ITGA4: variants seen among roughly 807,000 people sequenced by gnomAD.
ITGA4 encodes the protein integrin alpha-4.
In ITGA4, 63 loss-of-function variants were observed where a neutral mutation model predicts 133.6. The observed-to-expected ratio is 0.47, with a 90% CI of 0.38 to 0.58. The LOEUF is 0.58. Ranked by LOEUF, ITGA4 falls within the 20% of genes least tolerant of loss-of-function variation. The pLI is 0.00. For synonymous variants in ITGA4, 483 were observed against 438.0 expected (o/e 1.10, Z -1.28); for missense variants, 1,076 against 1,252.7 (o/e 0.86, Z 2.13).
intron 2 of ITGA4, among the ~76,000 whole-genome samples, chr2:181,467,071 T>G (rs556790317): frequency 6.6e-6 from 1 of 152,324 alleles, no homozygotes; most frequent in South Asian, 2.1e-4. Flanking sequence ...ATACTTTAAT[T>G]ATTGCTTTTA....
At position 181,495,154 on chromosome 2, in the gene ITGA4, A is replaced by G. The variant is rs1158996739; in HGVS notation, c.1340-217A>G. 6.6e-6 allele frequency among the ~76,000 whole-genome samples: 1 copy of G among 152,234 alleles called. No homozygotes were observed. The highest frequency in any genetic ancestry group is 2.4e-5 in the African/African-American group (1 of 41,472). ...TTGTTTTAGTAAACTTGTTTTTGTCATAAAGTTTATGATATATCATAATGG... is the reference window on the plus strand; with the variant it reads ...TTGTTTTAGTAAACTTGTTTTTGTCGTAAAGTTTATGATATATCATAATGG... On this transcript the variant is annotated intron_variant, in intron 12 of 27. Transcript: ENST00000397033. The surrounding 1 kb of genome is among the most constrained non-coding windows in gnomAD (Gnocchi z 4.3).
intron 2 of ITGA4, among the ~76,000 whole-genome samples, chr2:181,471,073 G>A (rs542453106): frequency 1.3e-5 from 2 of 152,134 alleles, no homozygotes; most frequent in Non-Finnish European, 2.9e-5. Context: ...TCTAAATGTA[G>A]TATATGTATT....
Position 181,495,994 on chromosome 2 carries a change from A to C in ITGA4, c.1540+57A>C. 1 of 1,558,670 alleles carries C rather than the reference A, an allele frequency of 6.4e-7. No individual in the cohort carries two copies. Among genetic ancestry groups the C allele is most frequent in the Non-Finnish European group, 8.8e-7 (1 of 1,138,426 alleles). ...GGGGTGCGGTTCATTCATTAATCCC[A>C]CAATCCTGCTTGGAGCCCTCACCGG... On this transcript the variant is annotated intron_variant, in intron 14 of 27. Transcript: ENST00000397033. The surrounding 1 kb of genome is among the most constrained non-coding windows in gnomAD (Gnocchi z 4.3).
In ITGA4 at chr2:181,536,026, T is replaced by TATCACTTTAA. The variant is rs1351155676; in HGVS notation, c.*501_*510dup. 6.6e-6 allele frequency: 1 copy of TATCACTTTAA among 152,368 alleles called. No individual in the cohort carries two copies. Among genetic ancestry groups the TATCACTTTAA allele is most frequent in the Non-Finnish European group, 1.5e-5 (1 of 68,220 alleles). 9.4% of individuals were successfully genotyped at this position (152,368 alleles called of 1,614,324 possible). A position where few individuals can be genotyped will look rare whatever the true frequency, so the allele number is the denominator to read the frequency against. ...CCAAATTTTCTAACGAGTGGACCAT[T>TATCACTTTAA]ATCACTTTAAAGCCCTTTATTTATA... On this transcript the variant is annotated 3_prime_UTR_variant, in exon 28 of 28. Transcript: ENST00000397033.
chr2:181,475,376 C>A, intron 4 of ITGA4, 88 bp downstream of exon 4: 1 of 1,054,828 alleles, frequency 9.5e-7, no homozygotes, highest in South Asian at 1.4e-5. Flanking sequence ...TTTAGATGTT[C>A]AGAGGAGAGG....
rs1260145047 is a variant in ITGA4 at position 181,536,882 on chromosome 2, G to A, written c.*1355G>A. 4.4e-6 allele frequency: 2 copies of A among 452,680 alleles called. No individual in the cohort carries two copies. Among genetic ancestry groups the A allele is most frequent in the Admixed American group, 2.4e-5 (1 of 42,376 alleles). The allele number at this position is 452,680 out of a possible 1,614,324, so 28.0% of individuals were successfully genotyped here. On this transcript the variant is annotated 3_prime_UTR_variant, in exon 28 of 28. Transcript: ENST00000397033. ...GGCCGAATTTTGAACATCTGTTATA[G>A]GGAGTGATCAAATTAGAAGGCAATG... is the stretch of plus-strand genomic sequence containing the variant.
At chr2:181,463,995 TG>T (rs1685351880) in intron 2 of ITGA4, among the ~76,000 whole-genome samples, 3 of 152,232 alleles carry the variant, frequency 2.0e-5, no homozygotes, top group Admixed American at 2.0e-4. Flanking sequence ...CTAGAATCTC[TG>T]GGGTAAGTCT....
intron 16 of ITGA4, among the ~76,000 whole-genome samples, chr2:181,510,119 T>C (rs1426516309): frequency 6.6e-6 from 1 of 152,090 alleles, no homozygotes; most frequent in African/African-American, 2.4e-5. Flanking sequence ...AGATTGTATT[T>C]ACAAGTTAGT....
intron 2 of ITGA4, chr2:181,458,530 T>C (rs1685190543): frequency 3.4e-6 from 2 of 586,080 alleles, no homozygotes; most frequent in African/African-American, 1.9e-5. Context: ...ATGGCAATGA[T>C]TGCAGTACTC....
At chr2:181,468,678 C>A (rs532564905) in intron 2 of ITGA4, among the ~76,000 whole-genome samples, 102 of 152,170 alleles carry the variant, frequency 6.7e-4, no homozygotes, top group African/African-American at 2.4e-3. Context: ...ATCAAAATTC[C>A]TGTTCATTTG....
intron 6 of ITGA4, among the ~76,000 whole-genome samples, chr2:181,480,994 T>C (rs751392045): frequency 1.3e-5 from 2 of 152,182 alleles, no homozygotes; most frequent in Non-Finnish European, 2.9e-5. Context: ...GTGTGTCAAA[T>C]GTGAGCATCT....
At chr2:181,533,873 T>G (rs1045301380) in intron 25 of ITGA4, among the ~76,000 whole-genome samples, 3 of 152,196 alleles carry the variant, frequency 2.0e-5, no homozygotes, top group African/African-American at 7.2e-5. Flanking sequence ...TTGCTTTAGA[T>G]AGTAAAGTTC....
intron 2 of ITGA4, among the ~76,000 whole-genome samples, chr2:181,473,025 GC>G (rs1685592150): frequency 6.6e-6 from 1 of 152,324 alleles, no homozygotes; most frequent in East Asian, 1.9e-4. Flanking sequence ...TCTCCAGGAA[GC>G]CATTACCAGT....
rs996715205 is a variant in ITGA4 at position 181,523,878 on chromosome 2, A to G, written c.2170-293A>G. Among the ~76,000 whole-genome samples, 2 of 152,136 alleles carry G rather than the reference A, an allele frequency of 1.3e-5. No individual in the cohort carries two copies. The highest frequency in any genetic ancestry group is 4.8e-5 in the African/African-American group (2 of 41,438). On this transcript the variant is annotated intron_variant, in intron 19 of 27. Coordinates refer to ENST00000397033, the MANE Select transcript of ITGA4 (RefSeq NM_000885.6). This position sits in a 1 kb window ranked among gnomAD's most constrained non-coding sequence, Gnocchi z 4.2. The stretch of plus-strand genomic sequence containing the variant: ...TGCTATACAAAAAGGTGTTTTTGGC[A>G]AGAGTCTCCACTCAAGTTGTGAAAG...
intron 10 of ITGA4, among the ~76,000 whole-genome samples, chr2:181,492,092 C>G (rs942784226): frequency 4.6e-5 from 7 of 152,202 alleles, no homozygotes; most frequent in Non-Finnish European, 1.0e-4. Flanking sequence ...CAATGAGTTT[C>G]CTATTGTGAT....
intron 17 of ITGA4, among the ~76,000 whole-genome samples, chr2:181,520,150 G>T (rs976281716): frequency 6.6e-6 from 1 of 152,118 alleles, no homozygotes; most frequent in Non-Finnish European, 1.5e-5. Context: ...TACGCTGTTA[G>T]GGGAGAGCAA....
chr2:181,527,471 A>G (rs772943453), intron 22 of ITGA4, 84 bp downstream of exon 22: 2 of 927,478 alleles, frequency 2.2e-6, no homozygotes, highest in Non-Finnish European at 3.5e-6. Flanking sequence ...TTGTACACCT[A>G]TGACGTCCTT....
chr2:181,514,440 T>C (rs1235790952), intron 17 of ITGA4, among the ~76,000 whole-genome samples: 1 of 152,090 alleles, frequency 6.6e-6, no homozygotes, highest in Non-Finnish European at 1.5e-5. Context: ...ACCTATTTGA[T>C]TGATGATTGG....
intron 4 of ITGA4, chr2:181,476,315 A>G (rs1166639714): frequency 6.6e-6 from 1 of 152,398 alleles, no homozygotes; most frequent in African/African-American, 2.4e-5. Context: ...ACATAGCCAC[A>G]TACTACAAAA....
Sources: allele counts gnomAD v4.1 joint callset (sites outside exome capture counted in the v4.1 genomes callset), GRCh38; gene constraint gnomAD v4.1.1; non-coding constraint Gnocchi (gnomAD v3.1); transcripts MANE v1.5; gene names NCBI Gene and HGNC (gene_info 2026-07-23, HGNC 2026-07-21).